Variants in FAM13A observed in about 807,000 individuals in gnomAD.
The protein encoded by FAM13A is family with sequence similarity 13 member A.
A neutral mutation model predicts 129.6 loss-of-function variants in FAM13A; 76 were observed. That is an observed-to-expected ratio of 0.59 (90% CI 0.49 to 0.71). FAM13A has a LOEUF of 0.71. Among genes scored for constraint, FAM13A ranks in the 30% least tolerant of loss-of-function variants. The pLI is 0.00. For synonymous variants in FAM13A, 443 were observed against 449.9 expected, an observed-to-expected ratio of 0.98 and a Z score of 0.20; for missense variants, 1,108 against 1,249.3, an observed-to-expected ratio of 0.89 and a Z score of 1.70.
chr4:88,974,192 C>T (rs1760572163), intron 4 of FAM13A, among the ~76,000 whole-genome samples: 1 of 152,154 alleles, frequency 6.6e-6, no homozygotes. Flanking sequence ...AGTTAACTGA[C>T]AGACTTATCC....
At chr4:88,875,228 T>C (rs1579067104) in intron 6 of FAM13A, among the ~76,000 whole-genome samples, 1 of 152,172 alleles carries the variant, frequency 6.6e-6, no homozygotes, top group Admixed American at 6.5e-5. Flanking sequence ...GACATAGGCA[T>C]GGGCAAAGAC....
chr4:88,896,448 ATTAAG>A (rs1174499692), intron 6 of FAM13A, among the ~76,000 whole-genome samples: 6 of 152,210 alleles, frequency 3.9e-5, no homozygotes, highest in African/African-American at 9.6e-5. Context: ...TTCAATGTTT[ATTAAG>A]TTATTTTAGG....
chr4:88,771,357 T>C (rs1372221333), intron 11 of FAM13A, among the ~76,000 whole-genome samples: 1 of 152,150 alleles, frequency 6.6e-6, no homozygotes, highest in African/African-American at 2.4e-5. Flanking sequence ...AAAAGTGTAA[T>C]GTACAGGTCA....
intron 6 of FAM13A, among the ~76,000 whole-genome samples, chr4:88,856,384 T>C (rs1039635161): frequency 1.3e-5 from 2 of 152,148 alleles, no homozygotes; most frequent in East Asian, 1.9e-4. Flanking sequence ...CTTGGGAAGC[T>C]GAGGTGGGAG....
intron 5 of FAM13A, among the ~76,000 whole-genome samples, chr4:88,912,842 A>G (rs551410078): frequency 3.3e-5 from 5 of 152,208 alleles, no homozygotes; most frequent in Admixed American, 2.0e-4. Flanking sequence ...TTAGGCAGGC[A>G]TGGTGGCACA....
chr4:89,021,963 T>G (rs1337678342), intron 2 of FAM13A, among the ~76,000 whole-genome samples: 1 of 152,128 alleles, frequency 6.6e-6, no homozygotes, highest in Non-Finnish European at 1.5e-5. Context: ...CAGCTTAGTG[T>G]GCTACACACC....
chr4:88,781,993 TAATAA>T (rs974821417), intron 10 of FAM13A, among the ~76,000 whole-genome samples: 17 of 82,246 alleles, frequency 2.1e-4, no homozygotes, highest in African/African-American at 5.3e-4. Context: ...AGTATAATGA[TAATAA>T]AATAAAAAAA....
intron 6 of FAM13A, among the ~76,000 whole-genome samples, chr4:88,882,993 T>G (rs530834525): frequency 8.5e-5 from 13 of 152,228 alleles, no homozygotes; most frequent in African/African-American, 3.1e-4. Context: ...TATCTACCAC[T>G]GGAGCTCCCA....
chr4:88,823,130 G>C, intron 7 of FAM13A: 1 of 1,508,746 alleles, frequency 6.6e-7, no homozygotes, highest in East Asian at 2.4e-5. Context: ...GCACCGCACG[G>C]CTGGAGAAAC....
chr4:88,945,990 G>GTGTATATATATATATATATATATA, intron 4 of FAM13A, among the ~76,000 whole-genome samples: 17 of 61,924 alleles, frequency 2.7e-4, no homozygotes, highest in Non-Finnish European at 3.7e-4. Context: ...GTGTGTGTGT[G>GTGTATATATATATATATATATATA]TATATATATA....
intron 6 of FAM13A, among the ~76,000 whole-genome samples, chr4:88,892,379 C>A (rs892165160): frequency 6.6e-6 from 1 of 151,920 alleles, no homozygotes; most frequent in African/African-American, 2.4e-5. Context: ...TGGGGTTTCA[C>A]CATGTTAGCC....
intron 3 of FAM13A, 58 bp downstream of exon 3, chr4:89,020,402 C>T (rs1767103318): frequency 7.8e-7 from 1 of 1,276,550 alleles, no homozygotes; most frequent in Non-Finnish European, 1.1e-6. Context: ...TAGGTGTGGG[C>T]CACCGTGCCC....
intron 4 of FAM13A, among the ~76,000 whole-genome samples, chr4:88,957,177 T>C (rs1757880537): frequency 2.0e-5 from 3 of 152,034 alleles, no homozygotes; most frequent in Admixed American, 6.5e-5. Flanking sequence ...AATATGAAAA[T>C]TAGCTGGGCA....
intron 6 of FAM13A, among the ~76,000 whole-genome samples, chr4:88,888,963 C>T (rs1019254441): frequency 8.0e-5 from 12 of 150,654 alleles, no homozygotes; most frequent in African/African-American, 2.2e-4. Context: ...AAAAATTCCT[C>T]GAGTCACCAG....
In FAM13A at chr4:88,996,324, G is replaced by A. The variant is rs147942070; in HGVS notation, c.428-5174C>T. On this transcript the variant is annotated intron_variant, in intron 3 of 23. Coordinates refer to ENST00000264344, the MANE Select transcript of FAM13A (RefSeq NM_014883.4). ...GCTCTGCTGAGTCTAGACTGTAGGG[G>A]CACAGTTGAAAGCAGCAAGATTACT... 2.0e-3 allele frequency among the ~76,000 whole-genome samples: 308 copies of A among 152,304 alleles called. 1 individual carries two copies. The highest frequency in any genetic ancestry group is 6.8e-3 in the African/African-American group (284 of 41,560).
rs370275116 is a variant in FAM13A at position 89,020,555 on chromosome 4, C to T, written c.332G>A (p.Cys111Tyr). The T allele has an allele frequency of 2.5e-6, 4 of 1,614,070 alleles. No homozygotes were observed. Among genetic ancestry groups the T allele is most frequent in the Non-Finnish European group, 3.4e-6 (4 of 1,179,976 alleles). The change falls in exon 3 of 24, where the codon TGC becomes TAC. Residue 111 changes from cysteine to tyrosine, a missense_variant. Around this residue, in one of 3 missense-constraint regions of FAM13A, gnomAD observed 566 missense variants for 595.7 expected, o/e 0.95. Transcript: ENST00000264344. ...CAGCTTCAACAGACTGGCTGCTGAGCAGACATCACCGTCCTTCCCGAGCTC... is the reference window on the plus strand; with the variant it reads ...CAGCTTCAACAGACTGGCTGCTGAGTAGACATCACCGTCCTTCCCGAGCTC... Reference protein sequence around the residue: ...PVELGKDGDVCSAASLLKLFL... With the variant: ...PVELGKDGDVYSAASLLKLFL...
At chr4:89,005,391 CTT>C (rs1764864624) in intron 3 of FAM13A, among the ~76,000 whole-genome samples, 1 of 152,094 alleles carries the variant, frequency 6.6e-6, no homozygotes, top group African/African-American at 2.4e-5. Context: ...ATGCATGTGT[CTT>C]TATGGTAAAA....
chr4:88,989,853 T>C (rs1343063638), intron 4 of FAM13A: 4 of 152,222 alleles, frequency 2.6e-5, no homozygotes, highest in South Asian at 2.1e-4. Flanking sequence ...TTACCTGTTC[T>C]AGAATCTAGG....
chr4:88,868,947 C>T (rs1740901205), intron 6 of FAM13A, among the ~76,000 whole-genome samples: 1 of 152,122 alleles, frequency 6.6e-6, no homozygotes, highest in African/African-American at 2.4e-5. Context: ...CTTCTGAGTT[C>T]CAAATGTATA....
Sources: gnomAD v4.1 joint callset for allele counts (sites outside exome capture counted in the v4.1 genomes callset) on GRCh38, gnomAD v4.1.1 for gene constraint, gnomAD v4.1.1 regional missense constraint, MANE v1.5 for transcripts, NCBI Gene and HGNC (gene_info 2026-07-23, HGNC 2026-07-21) for gene names.